The following NRG2 variants were observed in gnomAD, a reference collection of about 807,000 sequenced individuals.
The protein encoded by NRG2 is pro-neuregulin-2, membrane-bound isoform.
Under a neutral mutation model 73.9 loss-of-function variants are expected in NRG2, and 27 were observed. That is an observed-to-expected ratio of 0.37 (90% CI 0.27 to 0.50). The LOEUF is 0.50. Ranked by LOEUF, NRG2 falls within the 20% of genes least tolerant of loss-of-function variation. The pLI is 0.96. For synonymous variants in NRG2, 532 were observed against 541.0 expected, an observed-to-expected ratio of 0.98 and a Z score of 0.23; for missense variants, 1,126 against 1,210.1, an observed-to-expected ratio of 0.93 and a Z score of 1.03.
chr5:140,013,924 T>A (rs1019525009), intron 1 of NRG2, among the ~76,000 whole-genome samples: 8 of 152,216 alleles, frequency 5.3e-5, no homozygotes, highest in Non-Finnish European at 1.0e-4. Context: ...CTCAGTCGTC[T>A]TTTCTGGCTT....
chr5:139,921,898 T>C (rs1248430676), intron 1 of NRG2, among the ~76,000 whole-genome samples: 1 of 151,018 alleles, frequency 6.6e-6, no homozygotes, highest in East Asian at 1.9e-4. Flanking sequence ...ACCAAAACAC[T>C]CTACAAAAAA....
intron 1 of NRG2, among the ~76,000 whole-genome samples, chr5:139,922,015 G>A (rs1376735383): frequency 6.7e-6 from 1 of 148,764 alleles, no homozygotes; most frequent in Admixed American, 6.8e-5. Flanking sequence ...AGGCTGCAGG[G>A]AGCAAAGATC....
At chr5:139,891,845 G>A (rs928446364) in intron 1 of NRG2, among the ~76,000 whole-genome samples, 4 of 152,158 alleles carry the variant, frequency 2.6e-5, no homozygotes, top group Admixed American at 2.0e-4. Flanking sequence ...AACTATTTAT[G>A]TGCCTACTAG....
chr5:139,956,008 T>C (rs914364293), intron 1 of NRG2, among the ~76,000 whole-genome samples: 1 of 152,100 alleles, frequency 6.6e-6, no homozygotes, highest in African/African-American at 2.4e-5. Context: ...AGGTGAGCTC[T>C]CTCCATAGGA....
At chr5:139,933,051 GA>G (rs1159271871) in intron 1 of NRG2, among the ~76,000 whole-genome samples, 2 of 152,184 alleles carry the variant, frequency 1.3e-5, no homozygotes, top group Non-Finnish European at 2.9e-5. Flanking sequence ...AAGGTGGGCG[GA>G]TCACTTGAGG....
chr5:140,041,847 G>A (rs1038762927), intron 1 of NRG2, among the ~76,000 whole-genome samples: 3 of 152,126 alleles, frequency 2.0e-5, no homozygotes, highest in African/African-American at 7.2e-5. Flanking sequence ...AGAGCAACGA[G>A]CCCAGGAGAG....
At chr5:139,952,329 A>C (rs1372916522) in intron 1 of NRG2, among the ~76,000 whole-genome samples, 3 of 152,182 alleles carry the variant, frequency 2.0e-5, no homozygotes, top group Non-Finnish European at 4.4e-5. Context: ...TAAACTACAC[A>C]ATCCATGAAC....
intron 3 of NRG2, among the ~76,000 whole-genome samples, chr5:139,875,713 G>A (rs1465145756): frequency 3.3e-5 from 5 of 152,134 alleles, no homozygotes; most frequent in Non-Finnish European, 2.9e-5. Context: ...GATCACTTGA[G>A]ACCAGGAGTT....
intron 1 of NRG2, among the ~76,000 whole-genome samples, chr5:140,007,803 T>C (rs1759028963): frequency 6.6e-6 from 1 of 152,226 alleles, no homozygotes; most frequent in African/African-American, 2.4e-5. Flanking sequence ...ATTTTCCCTG[T>C]GACCTTGGGC....
In NRG2 at chr5:139,848,293, C is replaced by T; in HGVS notation, c.2177G>A (p.Arg726Gln). 8.8e-7 allele frequency: 1 copy of T among 1,139,990 alleles called. No homozygotes were observed. Among genetic ancestry groups the T allele is most frequent in the Admixed American group, 4.9e-5 (1 of 20,410 alleles). 70.6% of individuals were successfully genotyped at this position (1,139,990 alleles called of 1,614,324 possible). ...GCGGGACGCACCGCGCGCGCGCGGC[C>T]GCGGCGGCGGCGGGGGCGCGCACTC... ...TQECAPPPPP[R>Q]PRARGASRRT... Residue 726 changes from arginine (R) to glutamine (Q), a missense_variant, in exon 10 of 10, where the codon CGG (arginine) becomes CAG (glutamine). By Grantham distance (43) the Arg-to-Gln change is conservative. Transcript: ENST00000361474.
intron 1 of NRG2, among the ~76,000 whole-genome samples, chr5:139,977,793 A>G (rs1275743520): frequency 6.6e-6 from 1 of 152,222 alleles, no homozygotes; most frequent in Non-Finnish European, 1.5e-5. Flanking sequence ...AATGCCGCGT[A>G]TCTACAACTA....
In NRG2 at chr5:140,042,370, C is replaced by T; in HGVS notation, c.700G>A (p.Ala234Thr). The change falls in exon 1 of 10, where the codon GCC (alanine) becomes ACC (threonine). Residue 234 changes from alanine to threonine, a missense_variant and splice_region_variant. Transcript: ENST00000361474. ...CCAGCAAAGGGAGGGGGCGACTCAC[C>T]GCAGTCAGTGCACAGGATCTTGCCC... ...EVGKILCTDC[A>T]TRPKLKKMKS... is the part of the protein sequence containing the mutation. 6.5e-7 allele frequency: 1 copy of T among 1,547,022 alleles called. No individual in the cohort carries two copies. Among genetic ancestry groups the T allele is most frequent in the Non-Finnish European group, 8.8e-7 (1 of 1,138,878 alleles).
Position 139,851,656 on chromosome 5 carries a change from G to A in NRG2, c.1720C>T (p.Pro574Ser). The A allele has an allele frequency of 6.2e-7, 1 of 1,614,120 alleles. No homozygotes were observed. The highest frequency in any genetic ancestry group is 2.2e-5 in the East Asian group (1 of 44,876). The change falls in exon 9 of 10, where the codon CCA becomes TCA. Residue 574 changes from proline to serine, a missense_variant. This residue lies in a region of NRG2 where 539 missense variants were observed against 703.2 expected (regional missense o/e 0.77). Coordinates refer to ENST00000361474, the MANE Select transcript of NRG2 (RefSeq NM_004883.3). This position sits in a 1 kb window ranked among gnomAD's most constrained non-coding sequence, Gnocchi z 4.2. ...NLEERRRATA[P>S]PYHDSVDSLR... Reference sequence around the variant, plus strand: ...GAGTCCACGGAATCGTGATAGGGTGGCGCGGTGGCCCTGCGCCGCTCCTCC... The same window carrying A: ...GAGTCCACGGAATCGTGATAGGGTGACGCGGTGGCCCTGCGCCGCTCCTCC...
chr5:139,932,669 C>T (rs1008525303), intron 1 of NRG2, among the ~76,000 whole-genome samples: 20 of 151,966 alleles, frequency 1.3e-4, no homozygotes, highest in African/African-American at 4.8e-4. Context: ...ATATGCTAAT[C>T]TACTTTATTA....
At chr5:139,939,253 T>C (rs1753194559) in intron 1 of NRG2, among the ~76,000 whole-genome samples, 2 of 149,456 alleles carry the variant, frequency 1.3e-5, no homozygotes, top group African/African-American at 2.5e-5. Context: ...CCTTTCTTTC[T>C]TTCTTTCTTT....
chr5:139,988,895 T>C (rs1270260659), intron 1 of NRG2, among the ~76,000 whole-genome samples: 2 of 152,020 alleles, frequency 1.3e-5, no homozygotes, highest in African/African-American at 4.8e-5. Flanking sequence ...AGAGGCCATA[T>C]GGGAAATCTC....
chr5:139,980,851 C>G (rs977298612), intron 1 of NRG2, among the ~76,000 whole-genome samples: 1 of 152,224 alleles, frequency 6.6e-6, no homozygotes, highest in Admixed American at 6.5e-5. Context: ...TGGGGAATCT[C>G]CCTCCTACTT....
At chr5:139,965,118 G>C (rs972885793) in intron 1 of NRG2, among the ~76,000 whole-genome samples, 8 of 152,192 alleles carry the variant, frequency 5.3e-5, no homozygotes, top group African/African-American at 1.9e-4. Flanking sequence ...GGTCAGGCTA[G>C]CTCTCCAGCT....
intron 1 of NRG2, among the ~76,000 whole-genome samples, chr5:140,004,186 G>T (rs1312808537): frequency 6.6e-6 from 1 of 152,170 alleles, no homozygotes; most frequent in Non-Finnish European, 1.5e-5. Flanking sequence ...AAGAGCTATT[G>T]CTCTTGAGTA....
Sources: allele counts gnomAD v4.1 joint callset (sites outside exome capture counted in the v4.1 genomes callset), GRCh38; gene constraint gnomAD v4.1.1; regional missense constraint gnomAD v4.1.1; non-coding constraint Gnocchi (gnomAD v3.1); transcripts MANE v1.5; gene names NCBI Gene and HGNC (gene_info 2026-07-23, HGNC 2026-07-21).